Variants in FMNL3 observed in about 807,000 individuals in gnomAD.
The protein encoded by FMNL3 is formin-like protein 3.
A neutral mutation model predicts 119.6 loss-of-function variants in FMNL3; 57 were observed. The observed-to-expected ratio is 0.48, with a 90% CI of 0.39 to 0.59. FMNL3 has a LOEUF of 0.59. FMNL3 is among the 20% of genes least tolerant of loss of function. The pLI is 0.00. For missense variants in FMNL3, 1,053 were observed against 1,323.5 expected, an observed-to-expected ratio of 0.80 and a Z score of 3.17; for synonymous variants, 491 against 507.3, an observed-to-expected ratio of 0.97 and a Z score of 0.43.
At chr12:49,703,869 C>T (rs1944974310) in intron 1 of FMNL3, among the ~76,000 whole-genome samples, 1 of 152,146 alleles carries the variant, frequency 6.6e-6, no homozygotes, top group African/African-American at 2.4e-5. Context: ...GGGGGTTTTC[C>T]ACAGACACAC....
chr12:49,706,367 G>A (rs546551969), intron 1 of FMNL3, among the ~76,000 whole-genome samples: 87 of 152,266 alleles, frequency 5.7e-4, no homozygotes, highest in African/African-American at 2.0e-3. Context: ...GGGAGGAGGC[G>A]GGATGGTTTG....
Position 49,668,323 on chromosome 12 carries a change from T to C in FMNL3, c.210+148A>G, listed in dbSNP as rs1943947096. 8.4e-6 allele frequency: 6 copies of C among 714,316 alleles called. No individual in the cohort carries two copies. The South Asian group carries it at 1.0e-4, about 12-fold the overall frequency. 44.2% of individuals were successfully genotyped at this position (714,316 alleles called of 1,614,324 possible). A position where few individuals can be genotyped will look rare whatever the true frequency, so the allele number is the denominator to read the frequency against. On this transcript the variant is annotated intron_variant, in intron 2 of 25. Coordinates refer to ENST00000335154, the MANE Select transcript of FMNL3 (RefSeq NM_175736.5). ...CTCTGTCTCTGTTATGAGAATCCTC[T>C]TGGAAAAGAAAGTGAACACAGATGA...
rs187795717 is a variant in FMNL3 at position 49,647,632 on chromosome 12, T to G, written c.2778+71A>C. 2.9e-6 allele frequency: 4 copies of G among 1,396,928 alleles called. No homozygotes were observed. In the Admixed American group the frequency reaches 6.8e-5, roughly 24 times the overall value. The allele number at this position is 1,396,928 out of a possible 1,614,324, so 86.5% of individuals were successfully genotyped here. A position where few individuals can be genotyped will look rare whatever the true frequency, so the allele number is the denominator to read the frequency against. ...GAGGAGTCGGAAAAGGCCCATACTT[T>G]AAGCCCAGGCTTCTCTCCCCCAGCC... On this transcript the variant is annotated intron_variant, in intron 23 of 25. Transcript: ENST00000335154. This position sits in a 1 kb window ranked among gnomAD's most constrained non-coding sequence, Gnocchi z 4.9.
Position 49,636,811 on chromosome 12 carries a change from G to A in FMNL3, c.*9004C>T. Reference sequence around the variant, plus strand: ...GGAACGGGAGCGGGCCCGGCTTCGGGAGCGACGCCAACAACGCAAGAATCG... The same window carrying A: ...GGAACGGGAGCGGGCCCGGCTTCGGAAGCGACGCCAACAACGCAAGAATCG... On this transcript the variant is annotated 3_prime_UTR_variant, in exon 26 of 26. Transcript: ENST00000335154. 6.2e-7 allele frequency: 1 copy of A among 1,614,194 alleles called. No individual in the cohort carries two copies. Among genetic ancestry groups the A allele is most frequent in the Non-Finnish European group, 8.5e-7 (1 of 1,180,040 alleles).
At position 49,645,863 on chromosome 12, in the gene FMNL3, C is replaced by T. The variant is rs1157097858; in HGVS notation, c.3036G>A (p.Arg1012=). The change falls in exon 26 of 26, where the codon AGG becomes AGA. Residue 1012 remains arginine, a synonymous_variant. Transcript: ENST00000335154. ...GGGGACCACTGGGCGGTGCAGCACT[C>T]CTGGCTTGGTGGCGAACAACCATAG... ...CQPMVVRHQA[R]SAAPPSGPPR... is the part of the protein sequence containing the mutation. 1.2e-6 allele frequency: 2 copies of T among 1,611,078 alleles called. No individual in the cohort carries two copies. The highest frequency in any genetic ancestry group is 2.2e-5 in the South Asian group (2 of 90,794).
Position 49,653,710 on chromosome 12 carries a change from AG to A in FMNL3, c.1221+14del. ...CATCAACAGTGGCTCTGGCAGGCAAAGGAAGACCACCTACATGGGACACATG... is the reference window on the plus strand; with the variant it reads ...CATCAACAGTGGCTCTGGCAGGCAAAGAAGACCACCTACATGGGACACATG... On this transcript the variant is annotated intron_variant, in intron 12 of 25. Coordinates refer to ENST00000335154, the MANE Select transcript of FMNL3 (RefSeq NM_175736.5). 3 of 1,613,580 alleles carry A rather than the reference AG, an allele frequency of 1.9e-6. No homozygotes were observed. Among genetic ancestry groups the A allele is most frequent in the Non-Finnish European group, 2.5e-6 (3 of 1,179,700 alleles).
At chr12:49,656,988 C>G (rs1943590927) in intron 7 of FMNL3, 89 bp from the exon 8 acceptor site, 1 of 1,541,098 alleles carries the variant, frequency 6.5e-7, no homozygotes, top group East Asian at 2.3e-5. Context: ...CACCAGCAAA[C>G]CTGTCTTTTA....
chr12:49,675,626 T>G (rs904526702), intron 1 of FMNL3, among the ~76,000 whole-genome samples: 1 of 152,196 alleles, frequency 6.6e-6, no homozygotes, highest in Non-Finnish European at 1.5e-5. Context: ...TGTCATCACC[T>G]GGGTGGGCCG....
At position 49,637,441 on chromosome 12, in the gene FMNL3, C is replaced by T. The variant is rs1941985740; in HGVS notation, c.*8374G>A. On this transcript the variant is annotated 3_prime_UTR_variant, in exon 26 of 26. Coordinates refer to ENST00000335154, the MANE Select transcript of FMNL3 (RefSeq NM_175736.5). ...TGTGGCTCTGCCTCCCTGTCTCACT[C>T]TCCCTATAACTGGCCTCTCCCTGCT... 6.6e-7 allele frequency: 1 copy of T among 1,521,252 alleles called. No individual in the cohort carries two copies. The highest frequency in any genetic ancestry group is 1.4e-5 in the African/African-American group (1 of 73,140). 94.2% of individuals were successfully genotyped at this position (1,521,252 alleles called of 1,614,324 possible). A position where few individuals can be genotyped will look rare whatever the true frequency, so the allele number is the denominator to read the frequency against.
chr12:49,666,059 G>T, intron 3 of FMNL3, 68 bp downstream of exon 3: 1 of 1,564,266 alleles, frequency 6.4e-7, no homozygotes, highest in Non-Finnish European at 8.8e-7. Context: ...CAAGTCAAAG[G>T]GTTTGCCCCC....
chr12:49,655,086 C>T lies in FMNL3; in HGVS notation c.886-102G>A, dbSNP rs142728718. On this transcript the variant is annotated intron_variant, in intron 9 of 25. Coordinates refer to ENST00000335154, the MANE Select transcript of FMNL3 (RefSeq NM_175736.5). ...CATCATGGCAAAGGACTGGTTCAGA[C>T]CAAGCTTAACCACAGCTCTATATAT... The T allele has an allele frequency of 1.3e-4, 132 of 998,096 alleles. No homozygotes were observed. The East Asian group carries it at 1.9e-3, about 14-fold the overall frequency. The allele number at this position is 998,096 out of a possible 1,614,324, so 61.8% of individuals were successfully genotyped here.
At chr12:49,701,517 A>C (rs556888291) in intron 1 of FMNL3, among the ~76,000 whole-genome samples, 2 of 152,386 alleles carry the variant, frequency 1.3e-5, no homozygotes, top group South Asian at 4.1e-4. Context: ...GATGTTCATC[A>C]CAGCATTGTT....
chr12:49,660,859 G>C (rs1943712845), intron 5 of FMNL3, among the ~76,000 whole-genome samples: 1 of 152,222 alleles, frequency 6.6e-6, no homozygotes, highest in Non-Finnish European at 1.5e-5. Flanking sequence ...TACTCAGCAA[G>C]GCTGAGGCAG....
chr12:49,659,448 TGGCCCA>T (rs945957585), intron 5 of FMNL3, among the ~76,000 whole-genome samples: 62 of 152,322 alleles, frequency 4.1e-4, no homozygotes, highest in African/African-American at 1.4e-3. Context: ...TCTCACTCTG[TGGCCCA>T]GGCTGGAATA....
intron 25 of FMNL3, chr12:49,646,676 C>T (rs1443309530): frequency 1.3e-6 from 2 of 1,536,074 alleles, no homozygotes; most frequent in Admixed American, 2.0e-5. Context: ...CAGTTTGACT[C>T]ATCATGGTGG....
intron 6 of FMNL3, 128 bp downstream of exon 6, chr12:49,658,314 G>T: frequency 7.5e-7 from 1 of 1,325,996 alleles, no homozygotes; most frequent in Non-Finnish European, 1.0e-6. Flanking sequence ...AGACTGGCAG[G>T]CAGAGGGCAA....
rs769323674 is a variant in FMNL3 at position 49,648,184 on chromosome 12, C to A, written c.2676+9G>T. On this transcript the variant is annotated intron_variant, in intron 22 of 25. Transcript: ENST00000335154. Reference sequence around the variant, plus strand: ...CTGGTTGCTCCCACCGCCTGCACCCCGTGCTTGCCTCAGCCGTCTTGGCGT... The same window carrying A: ...CTGGTTGCTCCCACCGCCTGCACCCAGTGCTTGCCTCAGCCGTCTTGGCGT... 4.3e-6 allele frequency: 7 copies of A among 1,609,626 alleles called. No homozygotes were observed. The highest frequency in any genetic ancestry group is 5.9e-6 in the Non-Finnish European group (7 of 1,177,258).
chr12:49,694,809 G>A (rs1944708610), intron 1 of FMNL3, among the ~76,000 whole-genome samples: 1 of 152,020 alleles, frequency 6.6e-6, no homozygotes, highest in African/African-American at 2.4e-5. Context: ...CTACTCAGGA[G>A]GCTGAGGCAG....
At chr12:49,692,661 T>C (rs1425306498) in intron 1 of FMNL3, among the ~76,000 whole-genome samples, 1 of 152,206 alleles carries the variant, frequency 6.6e-6, no homozygotes, top group African/African-American at 2.4e-5. Flanking sequence ...AGATTCCCAT[T>C]TGCCACAGCC....
Sources: allele counts gnomAD v4.1 joint callset (sites outside exome capture counted in the v4.1 genomes callset), GRCh38; gene constraint gnomAD v4.1.1; non-coding constraint Gnocchi (gnomAD v3.1); transcripts MANE v1.5; gene names NCBI Gene and HGNC (gene_info 2026-07-23, HGNC 2026-07-21).